TMEM108: variants seen among roughly 807,000 people sequenced by gnomAD.
TMEM108 encodes the protein transmembrane protein 108, also known as cancer/testis antigen 124.
A neutral mutation model predicts 35.1 loss-of-function variants in TMEM108; 12 were observed. The observed-to-expected ratio is 0.34, with a 90% CI of 0.22 to 0.55. The LOEUF (loss-of-function observed/expected upper bound fraction) is 0.55. Ranked by LOEUF, TMEM108 falls within the 20% of genes least tolerant of loss-of-function variation. The probability of loss-of-function intolerance (pLI) is 0.89; values close to 1 mark genes in which losing one functional copy is unlikely to be tolerated. For synonymous variants in TMEM108, 287 were observed against 308.6 expected, an observed-to-expected ratio of 0.93 and a Z score of 0.73; for missense variants, 680 against 753.3, an observed-to-expected ratio of 0.90 and a Z score of 1.14.
In TMEM108 at chr3:133,132,373, G is replaced by T. The variant is rs184300424; in HGVS notation, c.-47+86353G>T. On this transcript the variant is annotated intron_variant, in intron 2 of 5. Coordinates refer to ENST00000321871, the MANE Select transcript of TMEM108 (RefSeq NM_023943.4). ...ACTTTAAGTTGAAGCCAATACTCAT[G>T]TACCATTCTAAAAGTTCTAAGGTCC... Among the ~76,000 whole-genome samples the T allele has an allele frequency of 5.4e-4, 82 of 152,274 alleles. No individual in the cohort carries two copies. In the East Asian group the frequency reaches 9.5e-3, roughly 18 times the overall value.
intron 3 of TMEM108, among the ~76,000 whole-genome samples, chr3:133,308,809 G>C (rs2071083002): frequency 6.6e-6 from 1 of 152,088 alleles, no homozygotes; most frequent in African/African-American, 2.4e-5. Context: ...CAGGGATATT[G>C]GTCTAAAATT....
intron 2 of TMEM108, among the ~76,000 whole-genome samples, chr3:133,169,409 A>G (rs937408977): frequency 1.3e-5 from 2 of 152,210 alleles, no homozygotes; most frequent in Admixed American, 6.5e-5. Context: ...GAACTCTAAA[A>G]TATCTATACA....
intron 2 of TMEM108, among the ~76,000 whole-genome samples, chr3:133,064,739 A>G (rs1943575183): frequency 6.6e-6 from 1 of 151,638 alleles, no homozygotes; most frequent in Non-Finnish European, 1.5e-5. Flanking sequence ...ACAGTTAAGC[A>G]CGTGATAGAG....
At chr3:133,336,279 C>A (rs2071500279) in intron 3 of TMEM108, among the ~76,000 whole-genome samples, 1 of 152,114 alleles carries the variant, frequency 6.6e-6, no homozygotes, top group African/African-American at 2.4e-5. Context: ...TTGCTTATCC[C>A]ACCCTTCCCC....
chr3:133,177,819 T>C (rs1216449559), intron 2 of TMEM108, among the ~76,000 whole-genome samples: 6 of 151,776 alleles, frequency 4.0e-5, no homozygotes, highest in Non-Finnish European at 8.8e-5. Flanking sequence ...CCAGGGCAAT[T>C]AGGCAGGAGA....
At chr3:133,047,472 G>T (rs950047854) in intron 2 of TMEM108, among the ~76,000 whole-genome samples, 1 of 152,200 alleles carries the variant, frequency 6.6e-6, no homozygotes, top group Non-Finnish European at 1.5e-5. Context: ...TAATGCTAGA[G>T]ATGCCAGTGG....
At chr3:133,229,392 ATGT>A (rs1261898581) in intron 3 of TMEM108, 41 bp downstream of exon 3, 2 of 1,596,364 alleles carry the variant, frequency 1.3e-6, no homozygotes, top group South Asian at 1.1e-5. Flanking sequence ...AAATATACTA[ATGT>A]TATTATTTGC....
At chr3:133,231,185 A>T (rs1274793185) in intron 3 of TMEM108, among the ~76,000 whole-genome samples, 1 of 152,184 alleles carries the variant, frequency 6.6e-6, no homozygotes, top group Admixed American at 6.5e-5. Context: ...CAACACACAC[A>T]ATATGTTATT....
At chr3:133,073,866 T>C (rs1943709017) in intron 2 of TMEM108, among the ~76,000 whole-genome samples, 1 of 152,086 alleles carries the variant, frequency 6.6e-6, no homozygotes, top group African/African-American at 2.4e-5. Flanking sequence ...TGTAAGATGA[T>C]ATCTCATTGT....
rs114071775 is a variant in TMEM108, at chr3:133,382,588, C to T, written c.1450+1427C>T. Among the ~76,000 whole-genome samples the T allele has an allele frequency of 4.8e-3, 733 of 152,338 alleles. 6 individuals carry two copies. The highest frequency in any genetic ancestry group is 0.017 in the African/African-American group (698 of 41,572). On this transcript the variant is annotated intron_variant, in intron 4 of 5. Transcript: ENST00000321871. ...GGTGGACTCTTTCTTTAGTAGCACTCAGGCAGCCAGCACTGGCATCAGCTC... is the reference window on the plus strand; with the variant it reads ...GGTGGACTCTTTCTTTAGTAGCACTTAGGCAGCCAGCACTGGCATCAGCTC...
At chr3:133,327,069 G>A (rs566199689) in intron 3 of TMEM108, among the ~76,000 whole-genome samples, 2 of 148,424 alleles carry the variant, frequency 1.3e-5, no homozygotes, top group African/African-American at 4.9e-5. Flanking sequence ...GGACTCCCCA[G>A]GCTGTGAGTG....
intron 2 of TMEM108, among the ~76,000 whole-genome samples, chr3:133,051,307 G>A (rs1943401649): frequency 6.6e-6 from 1 of 152,080 alleles, no homozygotes; most frequent in African/African-American, 2.4e-5. Context: ...CTTGCCATCT[G>A]TATGTCTTCT....
At chr3:133,251,434 G>A (rs11922161) in intron 3 of TMEM108, among the ~76,000 whole-genome samples, 48,312 of 152,076 alleles carry the variant, frequency 0.32, 8,464 homozygotes, top group East Asian at 0.48. Flanking sequence ...TATTGTTTCA[G>A]TCAGTATAGG....
chr3:133,216,668 G>A (rs575268422), intron 2 of TMEM108, among the ~76,000 whole-genome samples: 17 of 151,970 alleles, frequency 1.1e-4, no homozygotes, highest in Admixed American at 2.6e-4. Context: ...TAGATTAAAC[G>A]TATAAGTGAG....
At chr3:133,045,603 G>A (rs140780024) in intron 1 of TMEM108, among the ~76,000 whole-genome samples, 6 of 152,296 alleles carry the variant, frequency 3.9e-5, no homozygotes, top group African/African-American at 1.4e-4. Context: ...TCTTCATACT[G>A]TTTTCCATTC....
intron 5 of TMEM108, among the ~76,000 whole-genome samples, chr3:133,392,883 C>A (rs1045634875): frequency 6.6e-6 from 1 of 152,214 alleles, no homozygotes; most frequent in African/African-American, 2.4e-5. Context: ...TACCATCTTG[C>A]CTTCTGCAGT....
At chr3:133,187,074 T>C (rs116064738) in intron 2 of TMEM108, among the ~76,000 whole-genome samples, 1,670 of 152,330 alleles carry the variant, frequency 0.011, 31 homozygotes, top group African/African-American at 0.038. Flanking sequence ...AACATTCTTT[T>C]ATTCTACTGG....
intron 3 of TMEM108, among the ~76,000 whole-genome samples, chr3:133,313,150 G>A (rs929479221): frequency 4.6e-5 from 7 of 151,458 alleles, no homozygotes; most frequent in Non-Finnish European, 8.8e-5. Flanking sequence ...TAACAGTTTT[G>A]AAAATACATT....
chr3:133,388,241 CAG>C (rs1339955124), intron 4 of TMEM108: 2 of 985,360 alleles, frequency 2.0e-6, no homozygotes, highest in African/African-American at 3.5e-5. Context: ...GCTGCAGGAG[CAG>C]AGTGAAAGGT....
Sources: gnomAD v4.1 joint callset for allele counts (sites outside exome capture counted in the v4.1 genomes callset) on GRCh38, gnomAD v4.1.1 for gene constraint, MANE v1.5 for transcripts, NCBI Gene and HGNC (gene_info 2026-07-23, HGNC 2026-07-21) for gene names.